The following RASA3 variants were observed in gnomAD, a reference collection of about 807,000 sequenced individuals.
RASA3 encodes the protein ras GTPase-activating protein 3.
A neutral mutation model predicts 110.0 loss-of-function variants in RASA3; 73 were observed. The ratio of observed to expected loss-of-function variants is 0.66; its 90% CI spans 0.55 to 0.81. RASA3 has a LOEUF of 0.81. RASA3 is among the 30% of genes least tolerant of loss of function. The probability of loss-of-function intolerance (pLI) is 0.00; values close to 1 mark genes in which losing one functional copy is unlikely to be tolerated. For synonymous variants in RASA3, 500 were observed against 451.4 expected (o/e 1.11, Z -1.37); for missense variants, 976 against 1,113.2 (o/e 0.88, Z 1.75).
intron 7 of RASA3, among the ~76,000 whole-genome samples, 190 bp from the exon 8 acceptor site, chr13:114,024,545 C>T (rs373895510): frequency 2.6e-5 from 4 of 152,268 alleles, no homozygotes; most frequent in Admixed American, 1.3e-4. Flanking sequence ...TTCCTACTCA[C>T]GGCGCCCCTG....
In RASA3 at chr13:114,031,455, G is replaced by A. The variant is rs976695599; in HGVS notation, c.373-1568C>T. ...CAACTCTGTGTGTGTCTACCTGTCT[G>A]TAGTGTGTGGCTGTGTGCATGTCCT... On this transcript the variant is annotated intron_variant, in intron 4 of 23. Coordinates refer to ENST00000334062, the MANE Select transcript of RASA3 (RefSeq NM_007368.4). 5.3e-5 allele frequency among the ~76,000 whole-genome samples: 8 copies of A among 149,776 alleles called. No individual in the cohort carries two copies. The East Asian group carries it at 1.4e-3, about 27-fold the overall frequency.
chr13:113,980,680 G>A (rs2052913846), intron 23 of RASA3, among the ~76,000 whole-genome samples: 1 of 152,192 alleles, frequency 6.6e-6, no homozygotes, highest in Admixed American at 6.5e-5. Flanking sequence ...GATCTGATAT[G>A]ATGATGTCAG....
At chr13:114,076,091 T>C (rs985172945) in intron 1 of RASA3, among the ~76,000 whole-genome samples, 2 of 152,092 alleles carry the variant, frequency 1.3e-5, no homozygotes, top group Non-Finnish European at 2.9e-5. Flanking sequence ...TCTCACTGCT[T>C]GCGGCCGTTT....
intron 17 of RASA3, among the ~76,000 whole-genome samples, chr13:114,008,043 TTCC>T: frequency 3.2e-4 from 1 of 3,112 alleles, no homozygotes; most frequent in Admixed American, 1.9e-3. Flanking sequence ...ACGCACCGCG[TTCC>T]TGACTGTGGG....
Position 113,981,724 on chromosome 13 carries a change from G to A in RASA3, c.2380C>T (p.His794Tyr), listed in dbSNP as rs1271897180. The change falls in exon 23 of 24, where the codon CAC (histidine) becomes TAC (tyrosine). Residue 794 changes from histidine to tyrosine, a missense_variant. By Grantham distance (83) the His-to-Tyr change is moderately conservative. Around this residue, in one of 4 missense-constraint regions of RASA3, gnomAD observed 132 missense variants for 152.8 expected, o/e 0.86. Coordinates refer to ENST00000334062, the MANE Select transcript of RASA3 (RefSeq NM_007368.4). ...IAGVGALEQE[H>Y]AQYKRDKFKK... ...AACTTGTCCCTCTTATACTGGGCGT[G>A]CTCCTGCTCCAAAGCCCCAACCCCA... 2 of 1,614,098 alleles carry A rather than the reference G, an allele frequency of 1.2e-6. No individual in the cohort carries two copies. Among genetic ancestry groups the A allele is most frequent in the South Asian group, 1.1e-5 (1 of 91,080 alleles).
At chr13:114,032,273 C>G (rs1404896538) in intron 4 of RASA3, among the ~76,000 whole-genome samples, 1 of 152,166 alleles carries the variant, frequency 6.6e-6, no homozygotes, top group Non-Finnish European at 1.5e-5. Context: ...AGGGGTCATG[C>G]CTGTGGGCCA....
intron 16 of RASA3, among the ~76,000 whole-genome samples, chr13:114,010,791 GAGGGGGCCGCGAGGGGAGT>G (rs1328065628): frequency 6.6e-6 from 1 of 152,132 alleles, no homozygotes; most frequent in African/African-American, 2.4e-5. Flanking sequence ...GCGTGGGGAG[GAGGGGGCCGCGAGGGGAGT>G]AGGGGGCTGC....
intron 3 of RASA3, among the ~76,000 whole-genome samples, chr13:114,042,860 C>T (rs770855827): frequency 8.5e-5 from 13 of 152,204 alleles, no homozygotes; most frequent in South Asian, 2.1e-4. Context: ...GTCGGTCCTG[C>T]GGTGACCCTG....
intron 1 of RASA3, among the ~76,000 whole-genome samples, chr13:114,122,500 G>A (rs1318798689): frequency 2.6e-5 from 4 of 152,242 alleles, no homozygotes; most frequent in Admixed American, 6.5e-5. Context: ...GCAACCAGAG[G>A]CTCAGGGTGC....
At position 114,021,598 on chromosome 13, in the gene RASA3, A is replaced by G. The variant is rs78628056; in HGVS notation, c.681-90T>C. The G allele has an allele frequency of 2.0e-3, 2,068 of 1,056,976 alleles. 37 individuals are homozygous for G. In the African/African-American group the frequency reaches 0.028, roughly 14 times the overall value. 65.5% of individuals were successfully genotyped at this position (1,056,976 alleles called of 1,614,324 possible). ...GGCCACGCTTTGTTCCCCCAGGAGC[A>G]GAATGGAGCCTGCAGCGCCTCCCAG... On this transcript the variant is annotated intron_variant, in intron 8 of 23. Transcript: ENST00000334062.
At chr13:114,010,314 C>A (rs1026769281) in intron 16 of RASA3, among the ~76,000 whole-genome samples, 2 of 151,986 alleles carry the variant, frequency 1.3e-5, no homozygotes, top group Non-Finnish European at 2.9e-5. Context: ...CACAGCCCAG[C>A]CCTCTCCAGA....
At position 114,018,227 on chromosome 13, in the gene RASA3, A is replaced by G. The variant is rs1385581332; in HGVS notation, c.968T>C (p.Ile323Thr). 1 of 1,553,782 alleles carries G rather than the reference A, an allele frequency of 6.4e-7. No individual in the cohort carries two copies. The highest frequency in any genetic ancestry group is 1.9e-5 in the Admixed American group (1 of 51,708). ...CTTCTCCCGGCAAACCTCGCCCAGG[A>G]TGTGGGCCGCAGACGCTGACACGGG... ...VEPVSASAAH[I>T]LGEVCREKQE... The change falls in exon 11 of 24, where the codon ATC becomes ACC. Residue 323 changes from isoleucine to threonine, a missense_variant. By Grantham distance (89) the Ile-to-Thr change is moderately conservative. Transcript: ENST00000334062.
chr13:114,092,210 G>A (rs894010112), intron 1 of RASA3, among the ~76,000 whole-genome samples: 1 of 151,836 alleles, frequency 6.6e-6, no homozygotes, highest in Non-Finnish European at 1.5e-5. Flanking sequence ...CTACTAATTT[G>A]GGGGTTGGCT....
Position 114,132,434 on chromosome 13 carries a change from C to G in RASA3, c.55+1G>C. Reference sequence around the variant, plus strand: ...ACGCGTGGCTGCCGGCGGACACTCACCGATCTTGATCTTCACGCTCTGGAA... The same window carrying G: ...ACGCGTGGCTGCCGGCGGACACTCAGCGATCTTGATCTTCACGCTCTGGAA... On this transcript the variant is annotated splice_donor_variant, in intron 1 of 23. Coordinates refer to ENST00000334062, the MANE Select transcript of RASA3 (RefSeq NM_007368.4). LOFTEE classifies it high-confidence loss of function. 1 of 1,527,194 alleles carries G rather than the reference C, an allele frequency of 6.5e-7. No homozygotes were observed. Among genetic ancestry groups the G allele is most frequent in the Non-Finnish European group, 8.7e-7 (1 of 1,144,756 alleles). The allele number at this position is 1,527,194 out of a possible 1,614,324, so 94.6% of individuals were successfully genotyped here. A position where few individuals can be genotyped will look rare whatever the true frequency, so the allele number is the denominator to read the frequency against.
intron 2 of RASA3, among the ~76,000 whole-genome samples, chr13:114,059,798 C>G (rs2079306540): frequency 6.6e-6 from 1 of 152,264 alleles, no homozygotes; most frequent in South Asian, 2.1e-4. Flanking sequence ...TCACTGGACC[C>G]AGAAACCACA....
intron 9 of RASA3, among the ~76,000 whole-genome samples, chr13:114,020,438 G>C (rs2053901439): frequency 6.6e-6 from 1 of 152,226 alleles, no homozygotes; most frequent in Non-Finnish European, 1.5e-5. Context: ...GCCTAACTCA[G>C]CTCAGGGGGC....
chr13:114,048,637 C>A lies in RASA3; in HGVS notation c.277+3415G>T, dbSNP rs1437446845. 6.6e-6 allele frequency among the ~76,000 whole-genome samples: 1 copy of A among 152,228 alleles called. No homozygotes were observed. The highest frequency in any genetic ancestry group is 1.5e-5 in the Non-Finnish European group (1 of 68,038). Reference sequence around the variant, plus strand: ...CCCGGCAGCCGAGTCCAGGCAGAGGCCGCCTCCCTGCGCCTGGAATCCCGA... The same window carrying A: ...CCCGGCAGCCGAGTCCAGGCAGAGGACGCCTCCCTGCGCCTGGAATCCCGA... On this transcript the variant is annotated intron_variant, in intron 3 of 23. Coordinates refer to ENST00000334062, the MANE Select transcript of RASA3 (RefSeq NM_007368.4). The surrounding 1 kb of genome is among the most constrained non-coding windows in gnomAD (Gnocchi z 4.3).
intron 1 of RASA3, among the ~76,000 whole-genome samples, chr13:114,128,389 C>A (rs1292427883): frequency 6.6e-6 from 1 of 152,260 alleles, no homozygotes; most frequent in African/African-American, 2.4e-5. Context: ...CTCCACCTCC[C>A]GTGAGGGAGT....
chr13:114,021,992 C>T (rs2053937221), intron 8 of RASA3, among the ~76,000 whole-genome samples: 1 of 152,136 alleles, frequency 6.6e-6, no homozygotes, highest in Non-Finnish European at 1.5e-5. Flanking sequence ...TCAGCTCCAG[C>T]ACCATCTGTC....
Sources: gnomAD v4.1 joint callset for allele counts (sites outside exome capture counted in the v4.1 genomes callset) on GRCh38, gnomAD v4.1.1 for gene constraint, gnomAD v4.1.1 regional missense constraint, Gnocchi (gnomAD v3.1) non-coding constraint, MANE v1.5 for transcripts, NCBI Gene and HGNC (gene_info 2026-07-23, HGNC 2026-07-21) for gene names.